The following SLC18B1 variants were observed in gnomAD, a reference collection of about 807,000 sequenced individuals.
SLC18B1 encodes the protein solute carrier family 18 member B1, also known as MFS-type transporter SLC18B1.
SLC18B1 carries 62 observed loss-of-function variants against 53.9 expected under a neutral mutation model. The observed-to-expected ratio is 1.15, with a 90% CI of 0.94 to 1.42. The LOEUF is 1.42. SLC18B1 is among the 40% of genes most tolerant of loss of function. The pLI, the probability that SLC18B1 is intolerant of heterozygous loss-of-function variation, is 0.00. For missense variants in SLC18B1, 598 were observed against 547.3 expected, an observed-to-expected ratio of 1.09 and a Z score of -0.93; for synonymous variants, 217 against 200.9, an observed-to-expected ratio of 1.08 and a Z score of -0.68.
chr6:132,782,777 A>AT (rs397886990), intron 6 of SLC18B1, among the ~76,000 whole-genome samples: 4,777 of 144,446 alleles, frequency 0.033, 242 homozygotes, highest in African/African-American at 0.11. Context: ...AATAATAACA[A>AT]TTTTTTTTTT....
chr6:132,781,373 G>A (rs1268051507), intron 6 of SLC18B1, among the ~76,000 whole-genome samples: 3 of 152,166 alleles, frequency 2.0e-5, no homozygotes, highest in Middle Eastern at 3.4e-3. Context: ...GGGTGGGGTT[G>A]TCCTCAGGTG....
rs1781712092 is a variant in SLC18B1, at chr6:132,797,067, T to C, written c.98A>G (p.Gln33Arg). The change falls in exon 2 of 14, where the codon CAG becomes CGG. Residue 33 changes from glutamine to arginine, a missense_variant. Gln to Arg is a conservative substitution (Grantham distance 43, BLOSUM62 1). Transcript: ENST00000275227. ...AGCTGCCGATATCAGTACAAAAACCTGTTCTCTCGAAAGCCACCCGGGGGT... is the reference window on the plus strand; with the variant it reads ...AGCTGCCGATATCAGTACAAAAACCCGTTCTCTCGAAAGCCACCCGGGGGT... ...GETPGWLSRE[Q>R]VFVLISAASV... 3 of 1,614,160 alleles carry C rather than the reference T, an allele frequency of 1.9e-6. No homozygotes were observed. Among genetic ancestry groups the C allele is most frequent in the Non-Finnish European group, 8.5e-7 (1 of 1,180,012 alleles).
chr6:132,770,426 C>A, intron 13 of SLC18B1, 90 bp from the exon 14 acceptor site: 1 of 1,149,968 alleles, frequency 8.7e-7, no homozygotes, highest in Non-Finnish European at 1.3e-6. Context: ...TATCTCCATC[C>A]AACTATCTTT....
At chr6:132,789,603 A>G (rs1479342620) in intron 4 of SLC18B1, 161 bp downstream of exon 4, 2 of 574,588 alleles carry the variant, frequency 3.5e-6, no homozygotes, top group East Asian at 5.6e-5. Flanking sequence ...AATGCCATTT[A>G]TCCCTGTTCT....
chr6:132,798,470 A>G lies in SLC18B1; in HGVS notation c.-14T>C. ...CAGCGCCTCCATCCCCGGTGCGTGGACTCCGGCGCCCCAGCTCCCGGCTTC... is the reference window on the plus strand; with the variant it reads ...CAGCGCCTCCATCCCCGGTGCGTGGGCTCCGGCGCCCCAGCTCCCGGCTTC... On this transcript the variant is annotated 5_prime_UTR_variant, in exon 1 of 14. Coordinates refer to ENST00000275227, the MANE Select transcript of SLC18B1 (RefSeq NM_052831.3). The G allele has an allele frequency of 6.7e-7, 1 of 1,499,828 alleles. No individual in the cohort carries two copies. The highest frequency in any genetic ancestry group is 2.7e-5 in the East Asian group (1 of 37,464). 92.9% of individuals were successfully genotyped at this position (1,499,828 alleles called of 1,614,324 possible). A position where few individuals can be genotyped will look rare whatever the true frequency, so the allele number is the denominator to read the frequency against.
At chr6:132,798,352 A>C in intron 1 of SLC18B1, 62 bp downstream of exon 1, 1 of 1,474,416 alleles carries the variant, frequency 6.8e-7, no homozygotes, top group Non-Finnish European at 9.0e-7. Context: ...AATCGTTGCT[A>C]AAGAGACACG....
In SLC18B1 at chr6:132,773,073, C is replaced by T. The variant is rs746593767; in HGVS notation, c.1005G>A (p.Leu335=). The T allele has an allele frequency of 1.9e-6, 3 of 1,613,600 alleles. No homozygotes were observed. Among genetic ancestry groups the T allele is most frequent in the Non-Finnish European group, 2.5e-6 (3 of 1,179,632 alleles). ...GGCCACTTACAACTAATATCAGCAC[C>T]AGCAGCCAGAGCTGACTGCAAAAGG... The part of the protein sequence containing the change: ...ILHIKSQLWL[L]VLILVVSGLS... Residue 335 remains leucine (L), a synonymous_variant, in exon 10 of 14, where the codon CTG becomes CTA. Transcript: ENST00000275227.
chr6:132,792,280 AAAGGAAGAAAGGAAGGAAGG>A lies in SLC18B1; in HGVS notation c.184-2028_184-2009del, dbSNP rs1781554604. Among the ~76,000 whole-genome samples, 10 of 42,698 alleles carry A rather than the reference AAAGGAAGAAAGGAAGGAAGG, an allele frequency of 2.3e-4. 1 individual carries two copies. The highest frequency in any genetic ancestry group is 3.7e-4 in the Non-Finnish European group (8 of 21,414). 28.0% of individuals were successfully genotyped at this position (42,698 alleles called of 152,430 possible). On this transcript the variant is annotated intron_variant, in intron 2 of 13. Coordinates refer to ENST00000275227, the MANE Select transcript of SLC18B1 (RefSeq NM_052831.3). Reference sequence around the variant, plus strand: ...GAAAGAAAGAAAGAAAGAAAGAAAGAAAGGAAGAAAGGAAGGAAGGAAGGAAGGAAGGAAGGAAGGAAGGA... The same window carrying A: ...GAAAGAAAGAAAGAAAGAAAGAAAGAAAGGAAGGAAGGAAGGAAGGAAGGA...
chr6:132,779,316 C>T lies in SLC18B1; in HGVS notation c.747G>A (p.Ser249=), dbSNP rs761258321. ...LIAFVINSLS[S]CFGFLDPTLS... is the part of the protein sequence containing the mutation. ...GAGTAGGATCGAGGAAGCCAAAACA[C>T]GAGCTGAGTGAGTTGATGACGAAGG... Residue 249 remains serine (S), a synonymous_variant, in exon 7 of 14, where the codon TCG becomes TCA. Transcript: ENST00000275227. The T allele has an allele frequency of 5.0e-6, 8 of 1,613,810 alleles. No individual in the cohort carries two copies. The highest frequency in any genetic ancestry group is 1.6e-4 in the Middle Eastern group (1 of 6,062).
intron 2 of SLC18B1, among the ~76,000 whole-genome samples, chr6:132,794,865 C>T (rs969100107): frequency 9.9e-5 from 15 of 152,078 alleles, no homozygotes; most frequent in South Asian, 2.1e-4. Context: ...AATAGCTAGG[C>T]GTGGTGGCAC....
chr6:132,774,231 T>G lies in SLC18B1; in HGVS notation c.980A>C (p.His327Pro). 1 of 1,596,262 alleles carries G rather than the reference T, an allele frequency of 6.3e-7. No individual in the cohort carries two copies. Among genetic ancestry groups the G allele is most frequent in the Non-Finnish European group, 8.5e-7 (1 of 1,172,232 alleles). Reference sequence around the variant, plus strand: ...AGAAGAAAAAAATTACCTTTTAATATGCAAGATTGGGACAGGCCCTAAGAG... The same window carrying G: ...AGAAGAAAAAAATTACCTTTTAATAGGCAAGATTGGGACAGGCCCTAAGAG... ...YMLLGPVPILHIKSQLWLLVL... is the reference protein window; with the variant it reads ...YMLLGPVPILPIKSQLWLLVL... The change falls in exon 9 of 14, where the codon CAT (histidine) becomes CCT (proline). Residue 327 changes from histidine (H) to proline (P), a missense_variant. By Grantham distance (77) the His-to-Pro change is moderately conservative. Coordinates refer to ENST00000275227, the MANE Select transcript of SLC18B1 (RefSeq NM_052831.3).
chr6:132,781,103 T>G (rs1391205042), intron 6 of SLC18B1, among the ~76,000 whole-genome samples: 1 of 152,224 alleles, frequency 6.6e-6, no homozygotes, highest in East Asian at 1.9e-4. Context: ...TTTAATTGGT[T>G]ACATTTATTG....
At chr6:132,780,101 T>C (rs1389562932) in intron 6 of SLC18B1, among the ~76,000 whole-genome samples, 1 of 63,144 alleles carries the variant, frequency 1.6e-5, no homozygotes, top group Non-Finnish European at 3.5e-5. Flanking sequence ...CTTTTTTTTC[T>C]TTTTTTTTTT....
chr6:132,776,253 G>T, intron 8 of SLC18B1, 75 bp downstream of exon 8: 2 of 1,154,264 alleles, frequency 1.7e-6, no homozygotes, highest in Non-Finnish European at 2.5e-6. Flanking sequence ...GAATCCTAGA[G>T]TTCCAAAGGA....
rs1410651931 is a variant in SLC18B1, at chr6:132,770,326, G to C, written c.1315C>G (p.Gln439Glu). ...EYSRRKRSKS[Q>E]NILSTEEERT... ...TCCTCCTCTGTGCTGAGGATGTTTTGAGATTTAGACCTACATTGAGGGAAA... is the reference window on the plus strand; with the variant it reads ...TCCTCCTCTGTGCTGAGGATGTTTTCAGATTTAGACCTACATTGAGGGAAA... The change falls in exon 14 of 14, where the codon CAA (glutamine) becomes GAA (glutamate). Residue 439 changes from glutamine to glutamate, a missense_variant. Physicochemically the swap from Gln to Glu is conservative, Grantham distance 29. Transcript: ENST00000275227. 6.2e-7 allele frequency: 1 copy of C among 1,613,306 alleles called. No homozygotes were observed. The highest frequency in any genetic ancestry group is 1.3e-5 in the African/African-American group (1 of 75,038).
Position 132,796,673 on chromosome 6 carries a change from G to A in SLC18B1, c.183+309C>T, listed in dbSNP as rs115019321. On this transcript the variant is annotated intron_variant, in intron 2 of 13. Coordinates refer to ENST00000275227, the MANE Select transcript of SLC18B1 (RefSeq NM_052831.3). ...AACATTTGAATCTCAGTTATTCAGT[G>A]CACTCCTTTGTTTCAGTTGCAGAAA... 7.5e-3 allele frequency among the ~76,000 whole-genome samples: 1,141 copies of A among 152,024 alleles called. 17 individuals carry two copies. The highest frequency in any genetic ancestry group is 0.026 in the African/African-American group (1,092 of 41,446).
At chr6:132,791,109 A>T (rs1781513968) in intron 2 of SLC18B1, among the ~76,000 whole-genome samples, 1 of 152,244 alleles carries the variant, frequency 6.6e-6, no homozygotes, top group South Asian at 2.1e-4. Flanking sequence ...TAGAAATTTA[A>T]GGAATCAAAA....
chr6:132,793,270 A>C (rs1781594706), intron 2 of SLC18B1, among the ~76,000 whole-genome samples: 2 of 152,272 alleles, frequency 1.3e-5, no homozygotes. Context: ...GCTAATAAGA[A>C]AAATGACAGA....
In SLC18B1 at chr6:132,786,670, G is replaced by A. The variant is rs145494274; in HGVS notation, c.501+764C>T. Among the ~76,000 whole-genome samples the A allele has an allele frequency of 3.2e-3, 494 of 152,062 alleles. 4 individuals carry two copies. Among genetic ancestry groups the A allele is most frequent in the African/African-American group, 0.011 (475 of 41,454 alleles). ...TACATGAGTAAATGAGGGAGTCCTC[G>A]GTACTAAGCTGATTAGACTCTGAAG... is the stretch of plus-strand genomic sequence containing the variant. On this transcript the variant is annotated intron_variant, in intron 5 of 13. Transcript: ENST00000275227.
Sources: allele counts gnomAD v4.1 joint callset (sites outside exome capture counted in the v4.1 genomes callset), GRCh38; gene constraint gnomAD v4.1.1; transcripts MANE v1.5; gene names NCBI Gene and HGNC (gene_info 2026-07-23, HGNC 2026-07-21).